The following SOX10 variants were observed in gnomAD, a reference collection of about 807,000 sequenced individuals.
The protein encoded by SOX10 is transcription factor SOX-10.
SOX10 carries 3 observed loss-of-function variants against 35.0 expected under a neutral mutation model. The observed-to-expected ratio is 0.09, with a 90% CI of 0.04 to 0.22. SOX10 has a LOEUF of 0.22. Ranked by LOEUF, SOX10 falls within the 10% of genes least tolerant of loss-of-function variation. The pLI is 1.00. For missense variants in SOX10, 436 were observed against 655.1 expected, an observed-to-expected ratio of 0.67 and a Z score of 3.65; for synonymous variants, 285 against 291.0, an observed-to-expected ratio of 0.98 and a Z score of 0.21.
At chr22:37,979,323 C>A (rs184845501) in intron 2 of SOX10, among the ~76,000 whole-genome samples, 178 of 152,224 alleles carry the variant, frequency 1.2e-3, no homozygotes, top group African/African-American at 4.2e-3. Flanking sequence ...GTCTCCAACT[C>A]CTGACCTCAG....
At chr22:37,975,641 G>A (rs958416545) in intron 3 of SOX10, among the ~76,000 whole-genome samples, 23 of 152,312 alleles carry the variant, frequency 1.5e-4, no homozygotes, top group African/African-American at 3.6e-4. Flanking sequence ...CAGAGGCAGC[G>A]CCAAGTCCTG....
rs756722042 is a variant in SOX10, at chr22:37,974,176, G to A, written c.720C>T (p.Thr240=). Reference sequence around the variant, plus strand: ...GCTCTGTCTTCGGGGTGGTTGGAGGGGTGGGTGGGCCATGGCTCTGGCCTG... The same window carrying A: ...GCTCTGTCTTCGGGGTGGTTGGAGGAGTGGGTGGGCCATGGCTCTGGCCTG... ...HPSGQSHGPP[T]PPTTPKTELQ... Residue 240 remains threonine (T), a synonymous_variant, in exon 4 of 4, where the codon ACC becomes ACT. Coordinates refer to ENST00000396884, the MANE Select transcript of SOX10 (RefSeq NM_006941.4). The surrounding 1 kb of genome is among the most constrained non-coding windows in gnomAD (Gnocchi z 5.4). 8 of 1,605,816 alleles carry A rather than the reference G, an allele frequency of 5.0e-6. No individual in the cohort carries two copies. The highest frequency in any genetic ancestry group is 3.3e-5 in the Admixed American group (2 of 59,986).
Position 37,983,504 on chromosome 22 carries a change from A to G in SOX10, c.281T>C (p.Val94Ala), listed in dbSNP as rs1451564399. 6.2e-7 allele frequency: 1 copy of G among 1,610,768 alleles called. No individual in the cohort carries two copies. The highest frequency in any genetic ancestry group is 2.2e-5 in the East Asian group (1 of 44,786). The change falls in exon 2 of 4, where the codon GTC (valine) becomes GCC (alanine). Residue 94 changes from valine (V) to alanine (A), a missense_variant. Coordinates refer to ENST00000396884, the MANE Select transcript of SOX10 (RefSeq NM_006941.4). This position sits in a 1 kb window ranked among gnomAD's most constrained non-coding sequence, Gnocchi z 9.5. ...CGGCTTGCTTTTGCTGGCGCCGTTG[A>G]CGCGCACGGGCATGGGCACCAGCGT... ...DWTLVPMPVR[V>A]NGASKSKPHV...
At chr22:37,982,698 ACT>A (rs914692938) in intron 2 of SOX10, among the ~76,000 whole-genome samples, 7 of 151,674 alleles carry the variant, frequency 4.6e-5, no homozygotes, top group African/African-American at 1.7e-4. Flanking sequence ...CAGCTTGGTG[ACT>A]CTGGGGCAGG....
At position 37,978,021 on chromosome 22, in the gene SOX10, C is replaced by T; in HGVS notation, c.543G>A (p.Gly181=). 3 of 1,611,578 alleles carry T rather than the reference C, an allele frequency of 1.9e-6. No homozygotes were observed. The highest frequency in any genetic ancestry group is 2.5e-6 in the Non-Finnish European group (3 of 1,179,578). The part of the protein sequence containing the change: ...YKYQPRRRKN[G]KAAQGEAECP... ...ACTCCGCCTCGCCCTGGGCGGCCTT[C>T]CCGTTCTTCCGCCGCCTGGGCTGGT... is the stretch of plus-strand genomic sequence containing the variant. The change falls in exon 3 of 4, where the codon GGG becomes GGA. Residue 181 remains glycine (G), a synonymous_variant. Transcript: ENST00000396884. The surrounding 1 kb of genome is among the most constrained non-coding windows in gnomAD (Gnocchi z 5.0).
At position 37,984,550 on chromosome 22, in the gene SOX10, G is replaced by A. The variant is rs1252492523; in HGVS notation, c.-296C>T. The A allele has an allele frequency of 2.0e-5, 3 of 152,410 alleles. No homozygotes were observed. The highest frequency in any genetic ancestry group is 4.4e-5 in the Non-Finnish European group (3 of 68,078). 9.4% of individuals were successfully genotyped at this position (152,410 alleles called of 1,614,324 possible). ...GGCCGGACAGCCCGAGACTGACTGAGCGACTGAGCCTGAGCCGCTGCGGAG... is the reference window on the plus strand; with the variant it reads ...GGCCGGACAGCCCGAGACTGACTGAACGACTGAGCCTGAGCCGCTGCGGAG... On this transcript the variant is annotated 5_prime_UTR_variant, in exon 1 of 4. Coordinates refer to ENST00000396884, the MANE Select transcript of SOX10 (RefSeq NM_006941.4). This position sits in a 1 kb window ranked among gnomAD's most constrained non-coding sequence, Gnocchi z 4.4.
chr22:37,982,762 GC>G, intron 2 of SOX10, among the ~76,000 whole-genome samples: 1 of 152,194 alleles, frequency 6.6e-6, no homozygotes, highest in Non-Finnish European at 1.5e-5. Context: ...GGATGAAGAA[GC>G]CCCCAACTCA....
At position 37,978,179 on chromosome 22, in the gene SOX10, G is replaced by A. The variant is rs1389607029; in HGVS notation, c.429-44C>T. The stretch of plus-strand genomic sequence containing the variant: ...CGGAGAGGACAGCAGAGGGGCTGGC[G>A]TGAATGCCAGAGCACTCCAGGTTGG... On this transcript the variant is annotated intron_variant, in intron 2 of 3. Transcript: ENST00000396884. This position sits in a 1 kb window ranked among gnomAD's most constrained non-coding sequence, Gnocchi z 5.0. The A allele has an allele frequency of 6.7e-6, 10 of 1,485,028 alleles. No homozygotes were observed. Among genetic ancestry groups the A allele is most frequent in the South Asian group, 4.0e-5 (3 of 75,108 alleles). The allele number at this position is 1,485,028 out of a possible 1,614,324, so 92.0% of individuals were successfully genotyped here.
chr22:37,976,342 C>G (rs1223365790), intron 3 of SOX10, among the ~76,000 whole-genome samples: 1 of 152,236 alleles, frequency 6.6e-6, no homozygotes, highest in East Asian at 1.9e-4. Flanking sequence ...ACTGCGGGCG[C>G]ATTCCACCAT....
chr22:37,983,742 C>T lies in SOX10; in HGVS notation c.43G>A (p.Val15Met), dbSNP rs1282410687. 2 of 1,482,692 alleles carry T rather than the reference C, an allele frequency of 1.3e-6. No homozygotes were observed. Among genetic ancestry groups the T allele is most frequent in the African/African-American group, 1.5e-5 (1 of 68,576 alleles). The allele number at this position is 1,482,692 out of a possible 1,614,324, so 91.8% of individuals were successfully genotyped here. A position where few individuals can be genotyped will look rare whatever the true frequency, so the allele number is the denominator to read the frequency against. ...QDLSEVELSP[V>M]GSEEPRCLSP... The stretch of plus-strand genomic sequence containing the variant: ...AGGCAGCGGGGCTCCTCCGAGCCCA[C>T]GGGGCTCAGCTCCACCTCCGATAGG... The change falls in exon 2 of 4, where the codon GTG becomes ATG. Residue 15 changes from valine to methionine, a missense_variant. Val to Met is a conservative substitution (Grantham distance 21). This residue lies in a region of SOX10 where 97 missense variants were observed against 95.5 expected (regional missense o/e 1.02). Coordinates refer to ENST00000396884, the MANE Select transcript of SOX10 (RefSeq NM_006941.4). The surrounding 1 kb of genome is among the most constrained non-coding windows in gnomAD (Gnocchi z 9.5).
chr22:37,977,853 T>G lies in SOX10; in HGVS notation c.697+14A>C. On this transcript the variant is annotated intron_variant, in intron 3 of 3. Transcript: ENST00000396884. ...TGGCCTTGCCCCACCCTCAGCTCTG[T>G]CATCAGCACTCACCTGAGGGGTGCT... 1 of 1,602,458 alleles carries G rather than the reference T, an allele frequency of 6.2e-7. No homozygotes were observed. The highest frequency in any genetic ancestry group is 8.5e-7 in the Non-Finnish European group (1 of 1,172,544).
Position 37,972,348 on chromosome 22 carries a change from A to G in SOX10, c.*1147T>C, listed in dbSNP as rs1370857206. On this transcript the variant is annotated 3_prime_UTR_variant, in exon 4 of 4. Transcript: ENST00000396884. ...TTTAATTTTATTATGTGGAATGCTT[A>G]ATGCAGAGTTAATAGGGGCTAGAGT... 1.4e-6 allele frequency: 1 copy of G among 709,326 alleles called. No homozygotes were observed. Among genetic ancestry groups the G allele is most frequent in the Non-Finnish European group, 2.2e-6 (1 of 447,154 alleles). The allele number at this position is 709,326 out of a possible 1,614,324, so 43.9% of individuals were successfully genotyped here.
At chr22:37,977,208 G>T (rs895444990) in intron 3 of SOX10, among the ~76,000 whole-genome samples, 3 of 150,828 alleles carry the variant, frequency 2.0e-5, no homozygotes, top group African/African-American at 7.3e-5. Context: ...GAAAGAGGCA[G>T]TGATTTCCTC....
At position 37,978,155 on chromosome 22, in the gene SOX10, G is replaced by C; in HGVS notation, c.429-20C>G. The C allele has an allele frequency of 6.5e-7, 1 of 1,532,322 alleles. No homozygotes were observed. Among genetic ancestry groups the C allele is most frequent in the Non-Finnish European group, 8.8e-7 (1 of 1,140,374 alleles). The allele number at this position is 1,532,322 out of a possible 1,614,324, so 94.9% of individuals were successfully genotyped here. On this transcript the variant is annotated intron_variant, in intron 2 of 3. Coordinates refer to ENST00000396884, the MANE Select transcript of SOX10 (RefSeq NM_006941.4). The surrounding 1 kb of genome is among the most constrained non-coding windows in gnomAD (Gnocchi z 5.0). ...AGCAGCCTGGGGTGTGGTGGGAGGCGGAGAGGACAGCAGAGGGGCTGGCGT... is the reference window on the plus strand; with the variant it reads ...AGCAGCCTGGGGTGTGGTGGGAGGCCGAGAGGACAGCAGAGGGGCTGGCGT...
chr22:37,978,275 G>T lies in SOX10; in HGVS notation c.429-140C>A. 1 of 871,962 alleles carries T rather than the reference G, an allele frequency of 1.1e-6. No individual in the cohort carries two copies. Among genetic ancestry groups the T allele is most frequent in the African/African-American group, 1.7e-5 (1 of 59,034 alleles). 54.0% of individuals were successfully genotyped at this position (871,962 alleles called of 1,614,324 possible). On this transcript the variant is annotated intron_variant, in intron 2 of 3. Coordinates refer to ENST00000396884, the MANE Select transcript of SOX10 (RefSeq NM_006941.4). The surrounding 1 kb of genome is among the most constrained non-coding windows in gnomAD (Gnocchi z 5.0). ...GGGCACCCAGAGGACAGGACCCGGGGTGGGGGCTGTGCCCTATGATTTGTG... is the reference window on the plus strand; with the variant it reads ...GGGCACCCAGAGGACAGGACCCGGGTTGGGGGCTGTGCCCTATGATTTGTG...
rs1450100008 is a variant in SOX10 at position 37,983,739 on chromosome 22, C to T, written c.46G>A (p.Gly16Ser). 6.7e-6 allele frequency: 10 copies of T among 1,484,544 alleles called. No individual in the cohort carries two copies. The highest frequency in any genetic ancestry group is 2.1e-4 in the Middle Eastern group (1 of 4,670). 92.0% of individuals were successfully genotyped at this position (1,484,544 alleles called of 1,614,324 possible). The change falls in exon 2 of 4, where the codon GGC becomes AGC. Residue 16 changes from glycine to serine, a missense_variant. Transcript: ENST00000396884. This position sits in a 1 kb window ranked among gnomAD's most constrained non-coding sequence, Gnocchi z 9.5. The stretch of plus-strand genomic sequence containing the variant: ...GACAGGCAGCGGGGCTCCTCCGAGC[C>T]CACGGGGCTCAGCTCCACCTCCGAT... ...DLSEVELSPV[G>S]SEEPRCLSPG...
At position 37,983,505 on chromosome 22, in the gene SOX10, C is replaced by T. The variant is rs1932467025; in HGVS notation, c.280G>A (p.Val94Ile). 2 of 1,610,446 alleles carry T rather than the reference C, an allele frequency of 1.2e-6. No homozygotes were observed. Among genetic ancestry groups the T allele is most frequent in the South Asian group, 1.1e-5 (1 of 90,696 alleles). The change falls in exon 2 of 4, where the codon GTC (valine) becomes ATC (isoleucine). Residue 94 changes from valine to isoleucine, a missense_variant. This residue lies in a region of SOX10 where 54 missense variants were observed against 156.7 expected (regional missense o/e 0.34). Transcript: ENST00000396884. This position sits in a 1 kb window ranked among gnomAD's most constrained non-coding sequence, Gnocchi z 9.5. ...GGCTTGCTTTTGCTGGCGCCGTTGA[C>T]GCGCACGGGCATGGGCACCAGCGTC... ...DWTLVPMPVR[V>I]NGASKSKPHV...
At chr22:37,982,059 G>C (rs1932414424) in intron 2 of SOX10, among the ~76,000 whole-genome samples, 1 of 152,234 alleles carries the variant, frequency 6.6e-6, no homozygotes, top group Admixed American at 6.5e-5. Flanking sequence ...GGCAGCGGAA[G>C]AGAGCCGGGC....
Position 37,972,499 on chromosome 22 carries a change from GGAGGCAAGGGGTAA to G in SOX10, c.*982_*995del. On this transcript the variant is annotated 3_prime_UTR_variant, in exon 4 of 4. Transcript: ENST00000396884. ...TACATACTTTATTCAAATACCACTGGGAGGCAAGGGGTAAGAGGCAAGGGCAGAATGTACAGGTC... is the reference window on the plus strand; with the variant it reads ...TACATACTTTATTCAAATACCACTGGGAGGCAAGGGCAGAATGTACAGGTC... The G allele has an allele frequency of 3.2e-6, 1 of 314,362 alleles. No individual in the cohort carries two copies. Among genetic ancestry groups the G allele is most frequent in the Middle Eastern group, 1.1e-3 (1 of 946 alleles). 19.5% of individuals were successfully genotyped at this position (314,362 alleles called of 1,614,324 possible).
Sources: gnomAD v4.1 joint callset for allele counts (sites outside exome capture counted in the v4.1 genomes callset) on GRCh38, gnomAD v4.1.1 for gene constraint, gnomAD v4.1.1 regional missense constraint, Gnocchi (gnomAD v3.1) non-coding constraint, MANE v1.5 for transcripts, NCBI Gene and HGNC (gene_info 2026-07-23, HGNC 2026-07-21) for gene names.